Variants in SLC38A1 observed in about 807,000 individuals in gnomAD.
SLC38A1 encodes the protein solute carrier family 38 member 1, also known as sodium-coupled neutral amino acid symporter 1.
In SLC38A1, 18 loss-of-function variants were observed where a neutral mutation model predicts 60.3. The observed-to-expected ratio is 0.30, with a 90% CI of 0.21 to 0.44. The LOEUF (loss-of-function observed/expected upper bound fraction) is 0.44, where lower values mean the gene tolerates loss of function less well. Among genes scored for constraint, SLC38A1 ranks in the 20% least tolerant of loss-of-function variants. The pLI is 1.00. For synonymous variants in SLC38A1, 196 were observed against 212.1 expected, an observed-to-expected ratio of 0.92 and a Z score of 0.66; for missense variants, 448 against 587.2, an observed-to-expected ratio of 0.76 and a Z score of 2.45.
chr12:46,232,871 T>C (rs928903928), intron 3 of SLC38A1, among the ~76,000 whole-genome samples: 6 of 152,260 alleles, frequency 3.9e-5, no homozygotes, highest in Non-Finnish European at 8.8e-5. Flanking sequence ...ATAGTTGTTA[T>C]ACTATATTTT....
intron 5 of SLC38A1, among the ~76,000 whole-genome samples, chr12:46,213,544 T>G (rs1262241944): frequency 6.6e-6 from 1 of 152,236 alleles, no homozygotes; most frequent in East Asian, 1.9e-4. Flanking sequence ...TCCAGCCAAC[T>G]GCTTGAAGCC....
intron 5 of SLC38A1, among the ~76,000 whole-genome samples, chr12:46,223,659 AT>A (rs202127901): frequency 1.2e-5 from 1 of 85,824 alleles, no homozygotes; most frequent in Non-Finnish European, 3.4e-5. Flanking sequence ...AATCAACCAA[AT>A]AAAATTTAAA....
chr12:46,212,611 C>A (rs1487406043), intron 5 of SLC38A1, among the ~76,000 whole-genome samples: 3 of 152,072 alleles, frequency 2.0e-5, no homozygotes, highest in African/African-American at 4.8e-5. Context: ...TTTGAGTCAG[C>A]AACATTATGA....
In SLC38A1 at chr12:46,204,169, TA is replaced by T. The variant is rs1939786648; in HGVS notation, c.822+131del. Reference sequence around the variant, plus strand: ...TCTCAAGGATCTCTACATAGATGTGTAATCTGGAAGCAATGGTATCATGTGT... The same window carrying T: ...TCTCAAGGATCTCTACATAGATGTGTATCTGGAAGCAATGGTATCATGTGT... On this transcript the variant is annotated intron_variant, in intron 11 of 16. Coordinates refer to ENST00000398637, the MANE Select transcript of SLC38A1 (RefSeq NM_030674.4). The T allele has an allele frequency of 4.3e-6, 3 of 692,800 alleles. No individual in the cohort carries two copies. The African/African-American group carries it at 5.3e-5, about 12-fold the overall frequency. The allele number at this position is 692,800 out of a possible 1,614,324, so 42.9% of individuals were successfully genotyped here.
At chr12:46,205,481 C>A (rs1592081676) in intron 9 of SLC38A1, among the ~76,000 whole-genome samples, 2 of 152,082 alleles carry the variant, frequency 1.3e-5, no homozygotes. Flanking sequence ...GCAGTCTGGT[C>A]ACATTATTCA....
chr12:46,237,930 A>G (rs1219838391), intron 3 of SLC38A1, among the ~76,000 whole-genome samples: 2 of 151,816 alleles, frequency 1.3e-5, no homozygotes, highest in Non-Finnish European at 2.9e-5. Context: ...AGCATTTAAT[A>G]GAACTATTAA....
At chr12:46,243,851 T>C (rs532134998) in intron 1 of SLC38A1, among the ~76,000 whole-genome samples, 96 of 152,338 alleles carry the variant, frequency 6.3e-4, no homozygotes, top group Middle Eastern at 6.8e-3. Context: ...TGTGAGGTAC[T>C]TAAGGAAGGC....
rs1475051166 is a variant in SLC38A1, at chr12:46,204,513, C to T, written c.705+19G>A. 6.2e-7 allele frequency: 1 copy of T among 1,612,242 alleles called. No homozygotes were observed. The highest frequency in any genetic ancestry group is 2.2e-5 in the East Asian group (1 of 44,780). ...TGTACTATCACAAAACCAAACCAAC[C>T]ATTGCAATCAGCACTTACCACAATT... is the stretch of plus-strand genomic sequence containing the variant. On this transcript the variant is annotated intron_variant, in intron 10 of 16. Transcript: ENST00000398637.
At chr12:46,232,293 C>A (rs943873280) in intron 3 of SLC38A1, among the ~76,000 whole-genome samples, 1 of 152,046 alleles carries the variant, frequency 6.6e-6, no homozygotes, top group African/African-American at 2.4e-5. Context: ...TCAGGCTGTG[C>A]AGATTAAGAT....
chr12:46,207,528 C>T lies in SLC38A1; in HGVS notation c.481+1G>A. On this transcript the variant is annotated splice_donor_variant, in intron 7 of 16. Transcript: ENST00000398637. LOFTEE classifies it high-confidence loss of function. The stretch of plus-strand genomic sequence containing the variant: ...TGTAAAGAAAAGCATGTTCTTTTTA[C>T]CTCCAGTGTTCTGTAGAGAGGTGGC... 6.2e-7 allele frequency: 1 copy of T among 1,612,386 alleles called. No individual in the cohort carries two copies.
At position 46,230,218 on chromosome 12, in the gene SLC38A1, A is replaced by T. The variant is rs115094707; in HGVS notation, c.123-579T>A. 5.1e-3 allele frequency among the ~76,000 whole-genome samples: 779 copies of T among 152,300 alleles called. 6 individuals are homozygous for T. Among genetic ancestry groups the T allele is most frequent in the African/African-American group, 0.018 (747 of 41,570 alleles). Reference sequence around the variant, plus strand: ...GAAAAGAACTGTTTCACCGTCAGACATTCCTTCAGCGCCTGCTATATGCAA... The same window carrying T: ...GAAAAGAACTGTTTCACCGTCAGACTTTCCTTCAGCGCCTGCTATATGCAA... On this transcript the variant is annotated intron_variant, in intron 3 of 16. Transcript: ENST00000398637.
chr12:46,224,163 A>C (rs1220146718), intron 5 of SLC38A1, among the ~76,000 whole-genome samples: 3 of 152,172 alleles, frequency 2.0e-5, no homozygotes, highest in African/African-American at 7.2e-5. Context: ...CCTCACTCCC[A>C]GGAAAACAGC....
Position 46,187,536 on chromosome 12 carries a change from ACT to A in SLC38A1, c.*1432_*1433del, listed in dbSNP as rs1205858526. ...TATCCCTATTCTTTTTCAGCTACAA[ACT>A]CTCTTCTTTTTCAGTCTCTTCAGTT... On this transcript the variant is annotated 3_prime_UTR_variant, in exon 17 of 17. Transcript: ENST00000398637. The A allele has an allele frequency of 6.6e-6, 1 of 151,836 alleles. No individual in the cohort carries two copies. Among genetic ancestry groups the A allele is most frequent in the Admixed American group, 6.6e-5 (1 of 15,220 alleles). The allele number at this position is 151,836 out of a possible 1,614,324, so 9.4% of individuals were successfully genotyped here. A position where few individuals can be genotyped will look rare whatever the true frequency, so the allele number is the denominator to read the frequency against.
rs145053117 is a variant in SLC38A1 at position 46,222,565 on chromosome 12, C to A, written c.314+6588G>T. Among the ~76,000 whole-genome samples the A allele has an allele frequency of 6.5e-4, 99 of 152,258 alleles. No individual in the cohort carries two copies. In the East Asian group the frequency reaches 0.015, roughly 24 times the overall value. On this transcript the variant is annotated intron_variant, in intron 5 of 16. Transcript: ENST00000398637. ...AACCTAGGAGATTTTTCCTCACCTGCCCATATAAGTCTATTTTACTCTTTT... is the reference window on the plus strand; with the variant it reads ...AACCTAGGAGATTTTTCCTCACCTGACCATATAAGTCTATTTTACTCTTTT...
chr12:46,238,338 G>A (rs532943010), intron 3 of SLC38A1, among the ~76,000 whole-genome samples: 7 of 152,040 alleles, frequency 4.6e-5, no homozygotes, highest in Admixed American at 6.5e-5. Context: ...ACATTTAAAG[G>A]AGGAAAAAAG....
At chr12:46,189,099 T>C in intron 16 of SLC38A1, 28 bp from the exon 17 acceptor site, 1 of 1,598,434 alleles carries the variant, frequency 6.3e-7, no homozygotes, top group Non-Finnish European at 8.6e-7. Flanking sequence ...CAAGGGTTAT[T>C]TTCAGTGCAG....
intron 8 of SLC38A1, among the ~76,000 whole-genome samples, chr12:46,206,922 T>A (rs1304015910): frequency 6.6e-6 from 1 of 152,218 alleles, no homozygotes; most frequent in Non-Finnish European, 1.5e-5. Context: ...AAATGCAGTA[T>A]CTACCGCTCA....
rs539051165 is a variant in SLC38A1 at position 46,258,392 on chromosome 12, A to G, written c.-209+10134T>C. Among the ~76,000 whole-genome samples, 17 of 152,316 alleles carry G rather than the reference A, an allele frequency of 1.1e-4. 1 individual carries two copies. Among genetic ancestry groups the G allele is most frequent in the African/African-American group, 1.9e-4 (8 of 41,560 alleles). On this transcript the variant is annotated intron_variant, in intron 1 of 16. Transcript: ENST00000398637. ...ATTTTTTGGATTTTGGAATATTTGC[A>G]TACATATTATGAGATATCCTGGGGA...
intron 1 of SLC38A1, among the ~76,000 whole-genome samples, chr12:46,260,360 T>C (rs544444972): frequency 5.3e-5 from 8 of 152,344 alleles, no homozygotes; most frequent in African/African-American, 1.9e-4. Context: ...TTTCAGATCT[T>C]TCTTCCCAGT....
Sources: gnomAD v4.1 joint callset for allele counts (sites outside exome capture counted in the v4.1 genomes callset) on GRCh38, gnomAD v4.1.1 for gene constraint, MANE v1.5 for transcripts, NCBI Gene and HGNC (gene_info 2026-07-23, HGNC 2026-07-21) for gene names.